The following MYO6 variants were observed in gnomAD, a reference collection of about 807,000 sequenced individuals.
The protein encoded by MYO6 is unconventional myosin-VI.
A neutral mutation model predicts 178.7 loss-of-function variants in MYO6; 74 were observed. That is an observed-to-expected ratio of 0.41 (90% CI 0.34 to 0.50). The LOEUF (loss-of-function observed/expected upper bound fraction) is 0.50. Ranked by LOEUF, MYO6 falls within the 20% of genes least tolerant of loss-of-function variation. The pLI is 0.09. For missense variants in MYO6, 1,330 were observed against 1,547.4 expected, an observed-to-expected ratio of 0.86 and a Z score of 2.36; for synonymous variants, 477 against 504.6, an observed-to-expected ratio of 0.95 and a Z score of 0.73.
chr6:75,910,391 T>C (rs1390746096), intron 32 of MYO6, among the ~76,000 whole-genome samples: 2 of 152,204 alleles, frequency 1.3e-5, no homozygotes, highest in African/African-American at 4.8e-5. Flanking sequence ...TGTACACATA[T>C]TTATTGTATT....
chr6:75,834,861 C>A (rs1773487518), intron 6 of MYO6, among the ~76,000 whole-genome samples: 1 of 152,074 alleles, frequency 6.6e-6, no homozygotes, highest in African/African-American at 2.4e-5. Context: ...GAATGCTTCC[C>A]AGTATTCTTG....
At chr6:75,914,750 A>T in intron 34 of MYO6, 63 bp from the exon 35 acceptor site, 3 of 1,499,278 alleles carry the variant, frequency 2.0e-6, no homozygotes, top group Non-Finnish European at 2.8e-6. Flanking sequence ...TTTCAGGCAT[A>T]CAACTGGTAA....
chr6:75,859,723 G>T (rs1321952671), intron 14 of MYO6, among the ~76,000 whole-genome samples: 1 of 145,822 alleles, frequency 6.9e-6, no homozygotes, highest in East Asian at 2.0e-4. Context: ...GCAGTGGCGC[G>T]ATCTCGGCTC....
chr6:75,828,480 A>G, intron 3 of MYO6, 60 bp from the exon 4 acceptor site: 4 of 1,006,726 alleles, frequency 4.0e-6, no homozygotes, highest in Admixed American at 1.7e-5. Flanking sequence ...TTAAGATAGT[A>G]TTGCTTTATT....
At chr6:75,872,122 C>T (rs559330091) in intron 19 of MYO6, among the ~76,000 whole-genome samples, 14 of 151,926 alleles carry the variant, frequency 9.2e-5, no homozygotes, top group Admixed American at 2.0e-4. Flanking sequence ...GAATGAGACT[C>T]TCTCTCAAAA....
intron 29 of MYO6, 80 bp from the exon 30 acceptor site, chr6:75,898,293 A>C (rs1323936628): frequency 2.2e-6 from 2 of 914,704 alleles, no homozygotes; most frequent in Non-Finnish European, 3.4e-6. Flanking sequence ...TATATATTTT[A>C]ATTATACTTT....
intron 30 of MYO6, among the ~76,000 whole-genome samples, chr6:75,904,362 C>T (rs1225669869): frequency 2.6e-5 from 4 of 151,908 alleles, no homozygotes; most frequent in African/African-American, 9.6e-5. Flanking sequence ...CTTTCAGGTA[C>T]ACCAGTCAGA....
intron 18 of MYO6, among the ~76,000 whole-genome samples, chr6:75,867,892 T>A (rs1373501814): frequency 6.6e-6 from 1 of 152,138 alleles, no homozygotes; most frequent in East Asian, 1.9e-4. Flanking sequence ...TTAAAATTTG[T>A]GAAGTTATGA....
At chr6:75,848,303 A>G in intron 10 of MYO6, 48 bp from the exon 11 acceptor site, 1 of 1,537,610 alleles carries the variant, frequency 6.5e-7, no homozygotes, top group Non-Finnish European at 9.0e-7. Flanking sequence ...GTTTTAGTGT[A>G]CTTAAATAAT....
intron 1 of MYO6, among the ~76,000 whole-genome samples, chr6:75,781,270 G>T (rs138920820): frequency 6.6e-6 from 1 of 152,190 alleles, no homozygotes; most frequent in Non-Finnish European, 1.5e-5. Flanking sequence ...CCTGAGAAGG[G>T]TTAGAGTGAA....
At chr6:75,804,654 C>G (rs1366989086) in intron 1 of MYO6, among the ~76,000 whole-genome samples, 6 of 151,982 alleles carry the variant, frequency 3.9e-5, no homozygotes, top group African/African-American at 1.2e-4. Context: ...CTTTATACCC[C>G]CAACACCTGG....
At chr6:75,883,505 A>AGGGATGTTAG (rs1778203068) in intron 23 of MYO6, among the ~76,000 whole-genome samples, 1 of 152,082 alleles carries the variant, frequency 6.6e-6, no homozygotes, top group African/African-American at 2.4e-5. Context: ...TGGGATTTTT[A>AGGGATGTTAG]GGATTTTTGA....
intron 7 of MYO6, among the ~76,000 whole-genome samples, chr6:75,837,186 T>A (rs796223064): frequency 1.4e-4 from 21 of 152,230 alleles, no homozygotes; most frequent in African/African-American, 4.8e-4. Context: ...ATATATGGGA[T>A]GTATTAGGCA....
At chr6:75,913,734 T>TTATTTTAG (rs1780941581) in intron 33 of MYO6, among the ~76,000 whole-genome samples, 1 of 147,322 alleles carries the variant, frequency 6.8e-6, no homozygotes, top group Admixed American at 6.6e-5. Flanking sequence ...AATAGTAGTT[T>TTATTTTAG]GTTTTCCTGC....
intron 1 of MYO6, among the ~76,000 whole-genome samples, chr6:75,778,854 C>T (rs1766660846): frequency 6.6e-6 from 1 of 151,430 alleles, no homozygotes; most frequent in African/African-American, 2.4e-5. Flanking sequence ...CCCAGGAGTT[C>T]AGACCAGTCT....
chr6:75,867,025 G>C lies in MYO6; in HGVS notation c.1864G>C (p.Glu622Gln), dbSNP rs1272841966. 6.2e-7 allele frequency: 1 copy of C among 1,613,656 alleles called. No homozygotes were observed. The highest frequency in any genetic ancestry group is 1.3e-5 in the African/African-American group (1 of 74,898). ...SRDKFIRELF[E>Q]SSTNNNKDTK... ...AGATAAGTTTATACGGGAATTATTTGAATCATCCACAAATAACAACAAAGA... is the reference window on the plus strand; with the variant it reads ...AGATAAGTTTATACGGGAATTATTTCAATCATCCACAAATAACAACAAAGA... The change falls in exon 18 of 35, where the codon GAA becomes CAA. Residue 622 changes from glutamate (E) to glutamine (Q), a missense_variant. Transcript: ENST00000369977.
chr6:75,892,742 C>A, intron 28 of MYO6, 52 bp downstream of exon 28: 2 of 1,582,664 alleles, frequency 1.3e-6, no homozygotes, highest in Non-Finnish European at 1.7e-6. Context: ...CTTTCTCTAC[C>A]TCTCTGCCTC....
intron 1 of MYO6, among the ~76,000 whole-genome samples, chr6:75,788,047 A>G (rs1324432894): frequency 6.6e-6 from 1 of 151,876 alleles, no homozygotes. Context: ...AGTTTGAGCC[A>G]CCATGCCCGG....
Position 75,862,627 on chromosome 6 carries a change from G to A in MYO6, c.1578G>A (p.Leu526=), listed in dbSNP as rs1301230202. The A allele has an allele frequency of 1.9e-6, 3 of 1,613,484 alleles. No individual in the cohort carries two copies. The highest frequency in any genetic ancestry group is 2.5e-6 in the Non-Finnish European group (3 of 1,179,620). ...DLIEAKLVGI[L]DILDEENRLP... ...TTGAAGCCAAATTAGTGGGAATACT[G>A]GATATTTTGGATGAAGAAAATCGCC... Residue 526 remains leucine (L), a synonymous_variant, in exon 16 of 35, where the codon CTG becomes CTA. Transcript: ENST00000369977.
Sources: allele counts gnomAD v4.1 joint callset (sites outside exome capture counted in the v4.1 genomes callset), GRCh38; gene constraint gnomAD v4.1.1; transcripts MANE v1.5; gene names NCBI Gene and HGNC (gene_info 2026-07-23, HGNC 2026-07-21).